The following SLC1A7 variants were observed in gnomAD, a reference collection of about 807,000 sequenced individuals.
SLC1A7 encodes solute carrier family 1 member 7.
SLC1A7 carries 40 observed loss-of-function variants against 47.7 expected under a neutral mutation model. The observed-to-expected ratio is 0.84, with a 90% CI of 0.65 to 1.09. The LOEUF (loss-of-function observed/expected upper bound fraction) is 1.09. Among genes scored for constraint, SLC1A7 ranks in the 50% least tolerant of loss-of-function variants. The probability of loss-of-function intolerance (pLI) is 0.00; values close to 1 mark genes in which losing one functional copy is unlikely to be tolerated. For missense variants in SLC1A7, 746 were observed against 769.5 expected (o/e 0.97, Z 0.36); for synonymous variants, 323 against 325.6 (o/e 0.99, Z 0.09).
intron 5 of SLC1A7, among the ~76,000 whole-genome samples, chr1:53,097,458 C>G (rs1644509980): frequency 7.2e-6 from 1 of 139,208 alleles, no homozygotes; most frequent in Non-Finnish European, 1.6e-5. Context: ...CACACAGTGC[C>G]TTGGCACACT....
At chr1:53,126,961 C>T (rs1644888978) in intron 2 of SLC1A7, among the ~76,000 whole-genome samples, 1 of 151,408 alleles carries the variant, frequency 6.6e-6, no homozygotes, top group South Asian at 2.1e-4. Context: ...CTTCTGGGCT[C>T]AAGCGATCCT....
intron 3 of SLC1A7, among the ~76,000 whole-genome samples, chr1:53,109,447 C>T (rs571930342): frequency 8.3e-4 from 126 of 152,282 alleles, no homozygotes; most frequent in African/African-American, 2.9e-3. Context: ...CTGGAGCGGC[C>T]CCCCGGAGCC....
At chr1:53,124,249 AACACACAC>A (rs67205575) in intron 2 of SLC1A7, among the ~76,000 whole-genome samples, 6 of 6,998 alleles carry the variant, frequency 8.6e-4, no homozygotes, top group African/African-American at 9.2e-4. Context: ...ATACATACAC[AACACACAC>A]ACACACACAC....
intron 9 of SLC1A7, among the ~76,000 whole-genome samples, chr1:53,089,588 G>C (rs982938730): frequency 1.3e-5 from 2 of 152,100 alleles, no homozygotes; most frequent in African/African-American, 4.8e-5. Context: ...TACAGTTTTT[G>C]GACTGGGTTC....
intron 2 of SLC1A7, among the ~76,000 whole-genome samples, chr1:53,116,830 C>T (rs544752548): frequency 3.9e-5 from 6 of 152,358 alleles, no homozygotes; most frequent in Non-Finnish European, 8.8e-5. Flanking sequence ...CCTTCATTCA[C>T]GTGCATTCAA....
intron 5 of SLC1A7, among the ~76,000 whole-genome samples, chr1:53,095,867 CA>C: frequency 6.7e-6 from 1 of 149,812 alleles, no homozygotes; most frequent in Middle Eastern, 3.6e-3. Context: ...AGTACACTCA[CA>C]CCACCTTGGT....
intron 4 of SLC1A7, among the ~76,000 whole-genome samples, chr1:53,104,621 C>A (rs1040944388): frequency 6.6e-6 from 1 of 152,214 alleles, no homozygotes; most frequent in Non-Finnish European, 1.5e-5. Flanking sequence ...CCTAGCCTAG[C>A]ATTCAGTCCC....
intron 2 of SLC1A7, among the ~76,000 whole-genome samples, chr1:53,120,449 C>T (rs567876796): frequency 2.1e-4 from 32 of 152,166 alleles, no homozygotes; most frequent in African/African-American, 6.8e-4. Flanking sequence ...CATTGCCCTC[C>T]GCAACCATCC....
At chr1:53,121,561 C>T (rs1454962685) in intron 2 of SLC1A7, among the ~76,000 whole-genome samples, 2 of 152,222 alleles carry the variant, frequency 1.3e-5, no homozygotes, top group African/African-American at 4.8e-5. Flanking sequence ...GGCCAAGGCC[C>T]CCGACAGCAT....
chr1:53,126,539 G>A (rs1175728544), intron 2 of SLC1A7, among the ~76,000 whole-genome samples: 1 of 152,202 alleles, frequency 6.6e-6, no homozygotes, highest in Non-Finnish European at 1.5e-5. Flanking sequence ...TCCCTGCATG[G>A]TAAGCCCACA....
chr1:53,101,378 AC>A (rs1377608994), intron 5 of SLC1A7, among the ~76,000 whole-genome samples: 1 of 122,144 alleles, frequency 8.2e-6, no homozygotes, highest in Non-Finnish European at 1.7e-5. Context: ...ACTCACACAC[AC>A]TGCCCCATTA....
chr1:53,092,424 C>T (rs770043533), intron 7 of SLC1A7, 130 bp downstream of exon 7: 1 of 699,714 alleles, frequency 1.4e-6, no homozygotes, highest in Non-Finnish European at 2.5e-6. Context: ...CACCAGCCGT[C>T]CCCGCATTTG....
At chr1:53,127,520 C>A (rs1644896245) in intron 2 of SLC1A7, among the ~76,000 whole-genome samples, 1 of 152,174 alleles carries the variant, frequency 6.6e-6, no homozygotes, top group African/African-American at 2.4e-5. Flanking sequence ...GGTGGACAGG[C>A]CCTCAGGCCA....
At chr1:53,105,289 A>G (rs1448107710) in intron 4 of SLC1A7, among the ~76,000 whole-genome samples, 1 of 152,222 alleles carries the variant, frequency 6.6e-6, no homozygotes, top group Non-Finnish European at 1.5e-5. Context: ...CTTTAAAAAG[A>G]AAGAGAAAAC....
rs774746492 is a variant in SLC1A7 at position 53,108,401 on chromosome 1, C to T, written c.432-2627G>A. ...CAATCATTTTAAATGTGGGCCTTGG[C>T]AGGGACAGCTAGTTGCCTATGCAGT... On this transcript the variant is annotated intron_variant, in intron 3 of 10. Coordinates refer to ENST00000371494, the MANE Select transcript of SLC1A7 (RefSeq NM_006671.6). The T allele has an allele frequency of 5.2e-5, 31 of 597,742 alleles. No homozygotes were observed. The Admixed American group carries it at 7.0e-4, about 13-fold the overall frequency. 37.0% of individuals were successfully genotyped at this position (597,742 alleles called of 1,614,324 possible).
chr1:53,141,746 C>T (rs1413714419), intron 1 of SLC1A7, among the ~76,000 whole-genome samples: 1 of 152,010 alleles, frequency 6.6e-6, no homozygotes, highest in African/African-American at 2.4e-5. Flanking sequence ...CCCCTGCCTG[C>T]CCCAGAATCA....
intron 2 of SLC1A7, among the ~76,000 whole-genome samples, chr1:53,124,249 A>AAT (rs1053959653): frequency 0.19 from 1,326 of 6,986 alleles, 23 homozygotes; most frequent in Admixed American, 0.24. Flanking sequence ...ATACATACAC[A>AAT]ACACACACAC....
intron 5 of SLC1A7, among the ~76,000 whole-genome samples, chr1:53,100,735 A>ATACATAC (rs1644565675): frequency 6.6e-6 from 1 of 150,670 alleles, no homozygotes; most frequent in African/African-American, 2.4e-5. Context: ...CGGTACACTC[A>ATACATAC]CACACATTGC....
At chr1:53,091,061 T>C in intron 7 of SLC1A7, 1 of 1,085,428 alleles carries the variant, frequency 9.2e-7, no homozygotes, top group South Asian at 1.6e-5. Flanking sequence ...CATGTCACAC[T>C]GCTGTGCCGA....
Sources: allele counts gnomAD v4.1 joint callset (sites outside exome capture counted in the v4.1 genomes callset), GRCh38; gene constraint gnomAD v4.1.1; transcripts MANE v1.5; gene names NCBI Gene and HGNC (gene_info 2026-07-23, HGNC 2026-07-21).